STYK1: variants seen among roughly 807,000 people sequenced by gnomAD.
STYK1 encodes the protein tyrosine-protein kinase STYK1.
STYK1 carries 46 observed loss-of-function variants against 48.1 expected under a neutral mutation model. That is an observed-to-expected ratio of 0.96 (90% CI 0.75 to 1.22). STYK1 has a LOEUF of 1.22. Among genes scored for constraint, STYK1 ranks in the 50% most tolerant of loss-of-function variants. The pLI is 0.00. For missense variants in STYK1, 527 were observed against 521.1 expected (o/e 1.01, Z -0.11); for synonymous variants, 188 against 189.0 (o/e 0.99, Z 0.04).
In STYK1 at chr12:10,631,324, G is replaced by A; in HGVS notation, c.188-16C>T. 6.2e-7 allele frequency: 1 copy of A among 1,605,420 alleles called. No individual in the cohort carries two copies. The highest frequency in any genetic ancestry group is 1.7e-5 in the Admixed American group (1 of 59,852). ...GGGGCAATGCCTAGAACAGAGAGAT[G>A]ATGTCAACCAGTTTTTCCCCGCCCT... On this transcript the variant is annotated splice_polypyrimidine_tract_variant and intron_variant, in intron 4 of 10. Transcript: ENST00000075503.
chr12:10,670,994 G>A (rs1394300345), intron 1 of STYK1, among the ~76,000 whole-genome samples: 1 of 84,824 alleles, frequency 1.2e-5, no homozygotes, highest in Non-Finnish European at 2.4e-5. Flanking sequence ...TGAATATATT[G>A]ATTTTTTTTT....
chr12:10,627,578 G>T, intron 7 of STYK1, 63 bp downstream of exon 7: 4 of 1,401,076 alleles, frequency 2.9e-6, no homozygotes, highest in South Asian at 2.5e-5. Flanking sequence ...GAGAAATATG[G>T]CATCAAAAAC....
At chr12:10,663,117 A>T (rs1947795012) in intron 1 of STYK1, among the ~76,000 whole-genome samples, 1 of 152,144 alleles carries the variant, frequency 6.6e-6, no homozygotes, top group Non-Finnish European at 1.5e-5. Context: ...TAGTCTTTTC[A>T]GCCTTATTAT....
intron 1 of STYK1, among the ~76,000 whole-genome samples, chr12:10,671,889 A>C (rs1177876664): frequency 6.7e-6 from 1 of 149,246 alleles, no homozygotes; most frequent in Non-Finnish European, 1.5e-5. Flanking sequence ...ATAATTAAAG[A>C]CATTAGTTGT....
At chr12:10,663,803 G>A (rs1047453336) in intron 1 of STYK1, among the ~76,000 whole-genome samples, 7 of 151,086 alleles carry the variant, frequency 4.6e-5, no homozygotes, top group Admixed American at 1.3e-4. Context: ...AATTTGGGGC[G>A]TACCACTATC....
At chr12:10,663,357 T>C (rs1016615458) in intron 1 of STYK1, among the ~76,000 whole-genome samples, 1 of 151,970 alleles carries the variant, frequency 6.6e-6, no homozygotes, top group African/African-American at 2.4e-5. Context: ...TCACGCCTGT[T>C]ATCCCAGCAC....
At chr12:10,668,735 T>C (rs1360569061) in intron 1 of STYK1, among the ~76,000 whole-genome samples, 1 of 152,000 alleles carries the variant, frequency 6.6e-6, no homozygotes, top group Non-Finnish European at 1.5e-5. Context: ...CGTTCCCTTC[T>C]ACTTTCACTT....
rs1436575453 is a variant in STYK1, at chr12:10,624,776, G to C, written c.801C>G (p.Leu267=). The change falls in exon 8 of 11, where the codon CTC becomes CTG. Residue 267 remains leucine, a synonymous_variant. Coordinates refer to ENST00000075503, the MANE Select transcript of STYK1 (RefSeq NM_018423.3). ...ILMQSDLTAK[L]CGLGLAYEVY... is the part of the protein sequence containing the mutation. ...CTTCATAAGCCAGGCCTAATCCACA[G>C]AGCTTAGCAGTGAGATCACTTTGCA... is the stretch of plus-strand genomic sequence containing the variant. 1.9e-6 allele frequency: 3 copies of C among 1,614,004 alleles called. No homozygotes were observed. The highest frequency in any genetic ancestry group is 2.5e-6 in the Non-Finnish European group (3 of 1,180,012).
At chr12:10,666,696 G>C (rs1471126820) in intron 1 of STYK1, among the ~76,000 whole-genome samples, 1 of 152,184 alleles carries the variant, frequency 6.6e-6, no homozygotes, top group Non-Finnish European at 1.5e-5. Flanking sequence ...CTCGTGATAG[G>C]AATAAGTTCT....
chr12:10,643,971 GA>G (rs36021112), intron 1 of STYK1, among the ~76,000 whole-genome samples: 4 of 151,082 alleles, frequency 2.6e-5, no homozygotes, highest in Non-Finnish European at 4.4e-5. Context: ...TTGTATTTTA[GA>G]AAAAAAAAAT....
At chr12:10,671,645 G>T (rs922554643) in intron 1 of STYK1, among the ~76,000 whole-genome samples, 1 of 152,164 alleles carries the variant, frequency 6.6e-6, no homozygotes. Context: ...CCCCAGAACT[G>T]TAAGATAAAA....
intron 2 of STYK1, 38 bp from the exon 3 acceptor site, chr12:10,634,724 T>A: frequency 2.3e-6 from 3 of 1,318,954 alleles, no homozygotes; most frequent in Admixed American, 4.1e-5. Context: ...ATAAAATGAA[T>A]GAAAAAAAAT....
chr12:10,624,756 T>C lies in STYK1; in HGVS notation c.821A>G (p.Tyr274Cys), dbSNP rs1001028785. The change falls in exon 8 of 11, where the codon TAT becomes TGT. Residue 274 changes from tyrosine (Y) to cysteine (C), a missense_variant. Tyr to Cys is a radical substitution (Grantham distance 194, BLOSUM62 -2). Coordinates refer to ENST00000075503, the MANE Select transcript of STYK1 (RefSeq NM_018423.3). ...GATGGCCCCTCGGGTGTAAACTTCATAAGCCAGGCCTAATCCACAGAGCTT... is the reference window on the plus strand; with the variant it reads ...GATGGCCCCTCGGGTGTAAACTTCACAAGCCAGGCCTAATCCACAGAGCTT... The part of the protein sequence containing the change: ...TAKLCGLGLA[Y>C]EVYTRGAISS... The C allele has an allele frequency of 6.2e-7, 1 of 1,614,132 alleles. No homozygotes were observed. The highest frequency in any genetic ancestry group is 1.1e-5 in the South Asian group (1 of 91,078).
chr12:10,645,049 A>T (rs984130367), intron 1 of STYK1, among the ~76,000 whole-genome samples: 2 of 152,178 alleles, frequency 1.3e-5, no homozygotes, highest in Admixed American at 1.3e-4. Context: ...TCCAGGGGGA[A>T]ACTCAAAGAG....
Position 10,656,547 on chromosome 12 carries a change from C to T in STYK1, c.-195+17419G>A, listed in dbSNP as rs928996062. On this transcript the variant is annotated intron_variant, in intron 1 of 10. Coordinates refer to ENST00000075503, the MANE Select transcript of STYK1 (RefSeq NM_018423.3). ...GGCTGAGGCAGGAGAATGGCATGAACCTGGGAGGCGGAGCTTGCAGTGAGC... is the reference window on the plus strand; with the variant it reads ...GGCTGAGGCAGGAGAATGGCATGAATCTGGGAGGCGGAGCTTGCAGTGAGC... Among the ~76,000 whole-genome samples the T allele has an allele frequency of 3.9e-5, 6 of 152,134 alleles. No individual in the cohort carries two copies. The South Asian group carries it at 8.3e-4, about 21-fold the overall frequency.
chr12:10,670,075 C>CA (rs1947875792), intron 1 of STYK1, among the ~76,000 whole-genome samples: 1 of 152,112 alleles, frequency 6.6e-6, no homozygotes. Flanking sequence ...GAAAGTTCCT[C>CA]AAAAAATTAA....
intron 1 of STYK1, among the ~76,000 whole-genome samples, chr12:10,655,142 T>C (rs1197063070): frequency 6.6e-6 from 1 of 152,226 alleles, no homozygotes; most frequent in African/African-American, 2.4e-5. Flanking sequence ...CTGGTGTATT[T>C]TGTGCTTTGA....
chr12:10,624,609 G>A (rs746152160), intron 8 of STYK1, 42 bp downstream of exon 8: 1 of 1,579,538 alleles, frequency 6.3e-7, no homozygotes, highest in Non-Finnish European at 8.7e-7. Flanking sequence ...CAACACCCAA[G>A]TCATGAAGAA....
intron 6 of STYK1, among the ~76,000 whole-genome samples, chr12:10,629,202 A>G (rs1024454656): frequency 2.0e-5 from 3 of 152,204 alleles, no homozygotes; most frequent in Non-Finnish European, 2.9e-5. Flanking sequence ...TGGCTATTTA[A>G]ACTTATATTA....
Sources: allele counts gnomAD v4.1 joint callset (sites outside exome capture counted in the v4.1 genomes callset), GRCh38; gene constraint gnomAD v4.1.1; transcripts MANE v1.5; gene names NCBI Gene and HGNC (gene_info 2026-07-23, HGNC 2026-07-21).